Variants in PIP4K2A observed in about 807,000 individuals in gnomAD.
PIP4K2A encodes phosphatidylinositol 5-phosphate 4-kinase type-2 alpha.
PIP4K2A carries 14 observed loss-of-function variants against 42.9 expected under a neutral mutation model. The ratio of observed to expected loss-of-function variants is 0.33; its 90% CI spans 0.22 to 0.51. PIP4K2A has a LOEUF of 0.51. Ranked by LOEUF, PIP4K2A falls within the 20% of genes least tolerant of loss-of-function variation. PIP4K2A has a pLI of 0.97. For missense variants in PIP4K2A, 434 were observed against 519.8 expected, an observed-to-expected ratio of 0.83 and a Z score of 1.61; for synonymous variants, 192 against 192.2, an observed-to-expected ratio of 1.00 and a Z score of 0.01.
At chr10:22,666,957 A>G (rs1022072368) in intron 1 of PIP4K2A, among the ~76,000 whole-genome samples, 10 of 152,232 alleles carry the variant, frequency 6.6e-5, no homozygotes, top group African/African-American at 2.4e-4. Context: ...GGGCAGGTGA[A>G]TCTATTCACT....
rs113373545 is a variant in PIP4K2A, at chr10:22,601,160, A to C, written c.339+6767T>G. On this transcript the variant is annotated intron_variant, in intron 3 of 9. Transcript: ENST00000376573. Reference sequence around the variant, plus strand: ...AAAAAAAAAAAAAAAAAAAAAAAAAAAAACAAACCAGGAACATGTCCCCAA... The same window carrying C: ...AAAAAAAAAAAAAAAAAAAAAAAAACAAACAAACCAGGAACATGTCCCCAA... 3.9e-3 allele frequency among the ~76,000 whole-genome samples: 419 copies of C among 106,868 alleles called. 7 individuals carry two copies. Among genetic ancestry groups the C allele is most frequent in the African/African-American group, 9.5e-3 (272 of 28,662 alleles). The allele number at this position is 106,868 out of a possible 152,430, so 70.1% of individuals were successfully genotyped here.
intron 1 of PIP4K2A, among the ~76,000 whole-genome samples, chr10:22,670,007 T>C (rs1839419956): frequency 6.6e-6 from 1 of 152,176 alleles, no homozygotes; most frequent in Admixed American, 6.5e-5. Flanking sequence ...CCATGACCTA[T>C]TGTGTTTCTT....
At chr10:22,622,577 C>A (rs1402238189) in intron 1 of PIP4K2A, among the ~76,000 whole-genome samples, 1 of 152,226 alleles carries the variant, frequency 6.6e-6, no homozygotes, top group Non-Finnish European at 1.5e-5. Context: ...GGCGGAAAGG[C>A]CCTAGAAATA....
At chr10:22,679,628 G>A (rs1005159393) in intron 1 of PIP4K2A, among the ~76,000 whole-genome samples, 19 of 152,134 alleles carry the variant, frequency 1.2e-4, no homozygotes, top group Non-Finnish European at 2.2e-4. Flanking sequence ...AGCATTATTC[G>A]TAATAGCCAA....
intron 1 of PIP4K2A, among the ~76,000 whole-genome samples, chr10:22,696,573 T>G (rs1239879602): frequency 6.6e-6 from 1 of 152,074 alleles, no homozygotes; most frequent in African/African-American, 2.4e-5. Flanking sequence ...GACATTTTTC[T>G]CATAAGAAAA....
intron 4 of PIP4K2A, among the ~76,000 whole-genome samples, chr10:22,581,565 TAAAAAAAAAAAAAAAAAA>T (rs531477426): frequency 1.3e-5 from 1 of 78,674 alleles, no homozygotes; most frequent in Non-Finnish European, 2.2e-5. Context: ...ATCCTATCTC[TAAAAAAAAAAAAAAAAAA>T]AAAAAAAAAA....
At position 22,653,654 on chromosome 10, in the gene PIP4K2A, C is replaced by G. The variant is rs113668297; in HGVS notation, c.145-43937G>C. ...TGGGATCGGGCATGGTGGCTCACCC[C>G]TGTAATCCCAGCACTTCGGGAGGCT... On this transcript the variant is annotated intron_variant, in intron 1 of 9. Transcript: ENST00000376573. 1.8e-3 allele frequency among the ~76,000 whole-genome samples: 267 copies of G among 152,298 alleles called. 1 individual carries two copies. The highest frequency in any genetic ancestry group is 2.9e-3 in the Non-Finnish European group (197 of 68,034).
chr10:22,685,434 C>T (rs1000739404), intron 1 of PIP4K2A, among the ~76,000 whole-genome samples: 2 of 152,140 alleles, frequency 1.3e-5, no homozygotes, highest in Admixed American at 6.5e-5. Context: ...GTGGCTTGCA[C>T]CTGTGATCCC....
chr10:22,582,891 TAAAAAA>T (rs57477195), intron 4 of PIP4K2A, among the ~76,000 whole-genome samples: 23 of 118,658 alleles, frequency 1.9e-4, no homozygotes, highest in African/African-American at 6.2e-4. Flanking sequence ...CGTCTTGAAG[TAAAAAA>T]AAAAAAAAAA....
At chr10:22,696,255 G>T (rs917564364) in intron 1 of PIP4K2A, among the ~76,000 whole-genome samples, 2 of 152,126 alleles carry the variant, frequency 1.3e-5, no homozygotes, top group Non-Finnish European at 2.9e-5. Context: ...TTTCATAAAA[G>T]AACTGTGTTT....
intron 1 of PIP4K2A, among the ~76,000 whole-genome samples, chr10:22,622,028 T>C (rs1838342553): frequency 6.6e-6 from 1 of 152,210 alleles, no homozygotes; most frequent in Admixed American, 6.5e-5. Context: ...CATTTTTATC[T>C]CTTTTCCTTC....
intron 6 of PIP4K2A, among the ~76,000 whole-genome samples, chr10:22,555,916 A>T (rs1299704353): frequency 1.3e-5 from 2 of 151,170 alleles, no homozygotes; most frequent in African/African-American, 4.9e-5. Flanking sequence ...AAAAAAAATC[A>T]CAAGAAAATC....
In PIP4K2A at chr10:22,548,883, C is replaced by CA. The variant is rs11308958; in HGVS notation, c.792+1775dup. Among the ~76,000 whole-genome samples the CA allele has an allele frequency of 5.1e-3, 749 of 146,968 alleles. 5 individuals are homozygous for CA. The highest frequency in any genetic ancestry group is 0.014 in the African/African-American group (545 of 40,132). ...CAACAAAGCAAGACCCTAGTCTCTA[C>CA]AAAAAAAAAAAAATTCAAAAATTAG... is the stretch of plus-strand genomic sequence containing the variant. On this transcript the variant is annotated intron_variant, in intron 7 of 9. Transcript: ENST00000376573.
At chr10:22,599,265 C>T (rs763322832) in intron 3 of PIP4K2A, among the ~76,000 whole-genome samples, 6 of 152,182 alleles carry the variant, frequency 3.9e-5, no homozygotes, top group Non-Finnish European at 8.8e-5. Flanking sequence ...ATTTTTAGAG[C>T]ATTTTCATGA....
At chr10:22,664,174 TATATATAC>T (rs1564460238) in intron 1 of PIP4K2A, among the ~76,000 whole-genome samples, 17 of 78,288 alleles carry the variant, frequency 2.2e-4, no homozygotes, top group African/African-American at 4.6e-4. Context: ...TATACATATA[TATATATAC>T]ATATATATAC....
intron 3 of PIP4K2A, among the ~76,000 whole-genome samples, chr10:22,605,649 T>C (rs1676501169): frequency 6.6e-6 from 1 of 152,162 alleles, no homozygotes; most frequent in African/African-American, 2.4e-5. Flanking sequence ...TTGAGGAATC[T>C]AACAAGATAA....
chr10:22,668,646 C>A (rs1280931650), intron 1 of PIP4K2A, among the ~76,000 whole-genome samples: 1 of 152,164 alleles, frequency 6.6e-6, no homozygotes, highest in Non-Finnish European at 1.5e-5. Flanking sequence ...GTTTTCTGAA[C>A]TAGTCTGCAA....
At chr10:22,635,652 G>A (rs1257341188) in intron 1 of PIP4K2A, among the ~76,000 whole-genome samples, 1 of 152,162 alleles carries the variant, frequency 6.6e-6, no homozygotes, top group Non-Finnish European at 1.5e-5. Flanking sequence ...GATCTTCAGT[G>A]CCAGGCCGAG....
chr10:22,590,418 A>G (rs1048820941), intron 4 of PIP4K2A, among the ~76,000 whole-genome samples: 2 of 152,226 alleles, frequency 1.3e-5, no homozygotes, highest in Admixed American at 6.5e-5. Flanking sequence ...TGTTATCTTG[A>G]TAATAGCGAT....
Sources: gnomAD v4.1 joint callset for allele counts (sites outside exome capture counted in the v4.1 genomes callset) on GRCh38, gnomAD v4.1.1 for gene constraint, MANE v1.5 for transcripts, NCBI Gene and HGNC (gene_info 2026-07-23, HGNC 2026-07-21) for gene names.